The following SNX27 variants were observed in gnomAD, a reference collection of about 807,000 sequenced individuals.
SNX27 encodes sorting nexin 27, also known as sorting nexin-27.
A neutral mutation model predicts 71.6 loss-of-function variants in SNX27; 22 were observed. The ratio of observed to expected loss-of-function variants is 0.31; its 90% CI spans 0.22 to 0.44. The LOEUF (loss-of-function observed/expected upper bound fraction) is 0.44, where lower values mean the gene tolerates loss of function less well. SNX27 is among the 20% of genes least tolerant of loss of function. SNX27 has a pLI of 1.00. For missense variants in SNX27, 531 were observed against 698.6 expected (o/e 0.76, Z 2.70); for synonymous variants, 269 against 277.2 (o/e 0.97, Z 0.29).
intron 1 of SNX27, among the ~76,000 whole-genome samples, chr1:151,634,842 A>G (rs1170799674): frequency 1.3e-5 from 2 of 152,124 alleles, no homozygotes; most frequent in South Asian, 2.1e-4. Context: ...CTATAATTAC[A>G]TTTTGTTGTA....
chr1:151,682,543 G>A (rs143776648), intron 7 of SNX27, among the ~76,000 whole-genome samples: 3,066 of 152,006 alleles, frequency 0.02, 103 homozygotes, highest in African/African-American at 0.069. Flanking sequence ...GGCTGGTCTC[G>A]AACTCCTGAC....
rs754928412 is a variant in SNX27, at chr1:151,692,541, C to T, written c.1346C>T (p.Thr449Met). 36 of 1,611,878 alleles carry T rather than the reference C, an allele frequency of 2.2e-5. No homozygotes were observed. Among genetic ancestry groups the T allele is most frequent in the African/African-American group, 6.7e-5 (5 of 74,614 alleles). The change falls in exon 9 of 12, where the codon ACG becomes ATG. Residue 449 changes from threonine to methionine, a missense_variant. This residue lies in a region of SNX27 where 157 missense variants were observed against 178.4 expected (regional missense o/e 0.88). Coordinates refer to ENST00000458013, the MANE Select transcript of SNX27 (RefSeq NM_001330723.2). The stretch of plus-strand genomic sequence containing the variant: ...CACGTTATCACAGCCATCAGCATCA[C>T]GCACTTTAAACTGCATGCCTGCACT... ...KGHVITAISITHFKLHACTEE... is the reference protein window; with the variant it reads ...KGHVITAISIMHFKLHACTEE...
At chr1:151,644,754 A>T (rs565647069) in intron 2 of SNX27, among the ~76,000 whole-genome samples, 1 of 152,080 alleles carries the variant, frequency 6.6e-6, no homozygotes, top group East Asian at 1.9e-4. Flanking sequence ...TCTGTGATCC[A>T]TTTTGAGGGA....
chr1:151,658,155 TATC>T, intron 2 of SNX27, 77 bp from the exon 3 acceptor site: 1 of 1,320,624 alleles, frequency 7.6e-7, no homozygotes, highest in Admixed American at 2.3e-5. Context: ...ATCTAACCAA[TATC>T]ATCTAAGCCT....
intron 1 of SNX27, among the ~76,000 whole-genome samples, chr1:151,636,656 T>TC (rs1297929845): frequency 1.6e-5 from 2 of 125,574 alleles, no homozygotes; most frequent in Non-Finnish European, 3.3e-5. Context: ...GTCAGCTTTT[T>TC]CCACTTTTGT....
chr1:151,639,661 GA>G (rs1668638481), intron 2 of SNX27, among the ~76,000 whole-genome samples: 2 of 152,160 alleles, frequency 1.3e-5, no homozygotes, highest in South Asian at 4.1e-4. Flanking sequence ...CGAGTTTCCT[GA>G]ATGCAATTCC....
rs557917353 is a variant in SNX27, at chr1:151,612,771, G to A, written c.311+259G>A. Among the ~76,000 whole-genome samples, 18 of 152,108 alleles carry A rather than the reference G, an allele frequency of 1.2e-4. No individual in the cohort carries two copies. The highest frequency in any genetic ancestry group is 4.1e-4 in the African/African-American group (17 of 41,500). On this transcript the variant is annotated intron_variant, in intron 1 of 11. Coordinates refer to ENST00000458013, the MANE Select transcript of SNX27 (RefSeq NM_001330723.2). The surrounding 1 kb of genome is among the most constrained non-coding windows in gnomAD (Gnocchi z 5.2). The stretch of plus-strand genomic sequence containing the variant: ...TTGCGCCCCCAGTGCTCCTCCCTGT[G>A]CCCCGATTACTCTGGGCTCTTCTCC...
chr1:151,614,960 G>T (rs1296838688), intron 1 of SNX27, among the ~76,000 whole-genome samples: 9 of 152,196 alleles, frequency 5.9e-5, no homozygotes, highest in Non-Finnish European at 2.9e-5. Flanking sequence ...CTGCCCAAGA[G>T]CCTAGGTATA....
chr1:151,698,469 T>C lies in SNX27; in HGVS notation c.*4052T>C, dbSNP rs1558086711. ...ATCTGTTGACCCCAGCATACTGCTG[T>C]TTCTTCACCAGCTTCATTGTGTCAC... is the stretch of plus-strand genomic sequence containing the variant. On this transcript the variant is annotated 3_prime_UTR_variant, in exon 12 of 12. Transcript: ENST00000458013. 1 of 152,544 alleles carries C rather than the reference T, an allele frequency of 6.6e-6. No homozygotes were observed. The highest frequency in any genetic ancestry group is 1.9e-4 in the East Asian group (1 of 5,198). 9.4% of individuals were successfully genotyped at this position (152,544 alleles called of 1,614,324 possible). A position where few individuals can be genotyped will look rare whatever the true frequency, so the allele number is the denominator to read the frequency against.
chr1:151,668,312 A>G (rs1446387800), intron 6 of SNX27, among the ~76,000 whole-genome samples, 160 bp from the exon 7 acceptor site: 2 of 152,214 alleles, frequency 1.3e-5, no homozygotes, highest in Admixed American at 6.5e-5. Flanking sequence ...CTGGACAGAT[A>G]AGGCTGTTTT....
intron 1 of SNX27, among the ~76,000 whole-genome samples, chr1:151,622,852 G>A (rs1028682535): frequency 2.0e-5 from 3 of 151,998 alleles, no homozygotes. Context: ...GTAGTGGTGC[G>A]ATCACAGCTT....
chr1:151,676,270 A>ATTTT (rs752951557), intron 7 of SNX27: 2 of 56,530 alleles, frequency 3.5e-5, no homozygotes, highest in East Asian at 4.4e-4. Flanking sequence ...AGTGCTATTA[A>ATTTT]TTTTTTTTTT....
chr1:151,643,404 C>T (rs1571802752), intron 2 of SNX27, among the ~76,000 whole-genome samples: 1 of 151,840 alleles, frequency 6.6e-6, no homozygotes, highest in East Asian at 1.9e-4. Context: ...AAGCAATTCT[C>T]CTGCCTCAGC....
intron 1 of SNX27, among the ~76,000 whole-genome samples, chr1:151,629,768 G>A (rs912467071): frequency 1.3e-5 from 2 of 151,480 alleles, no homozygotes; most frequent in South Asian, 4.2e-4. Context: ...TGGTAGAGAC[G>A]GGGTTTTACC....
chr1:151,643,348 G>A (rs2102643528), intron 2 of SNX27, among the ~76,000 whole-genome samples: 1 of 152,032 alleles, frequency 6.6e-6, no homozygotes, highest in African/African-American at 2.4e-5. Context: ...AGGCTGGAAT[G>A]CAGTGGTGCG....
intron 2 of SNX27, among the ~76,000 whole-genome samples, chr1:151,656,000 G>A (rs1175977383): frequency 6.6e-6 from 1 of 152,078 alleles, no homozygotes; most frequent in Non-Finnish European, 1.5e-5. Flanking sequence ...GAGGCGGGTG[G>A]ATCACGAGCT....
At chr1:151,620,694 CTTT>C (rs35641892) in intron 1 of SNX27, among the ~76,000 whole-genome samples, 1 of 143,732 alleles carries the variant, frequency 7.0e-6, no homozygotes, top group Non-Finnish European at 1.5e-5. Context: ...TTTGAAGATG[CTTT>C]TTTTTTTTTT....
chr1:151,695,725 C>T lies in SNX27; in HGVS notation c.*1308C>T, dbSNP rs1231143736. The T allele has an allele frequency of 6.6e-6, 1 of 152,158 alleles. No homozygotes were observed. Among genetic ancestry groups the T allele is most frequent in the African/African-American group, 2.4e-5 (1 of 41,410 alleles). The allele number at this position is 152,158 out of a possible 1,614,324, so 9.4% of individuals were successfully genotyped here. The stretch of plus-strand genomic sequence containing the variant: ...CAGGCATGAGCCACTGTGTCCTTCC[C>T]TGCCTTTTTTGCAGCAGGGATAGTA... On this transcript the variant is annotated 3_prime_UTR_variant, in exon 12 of 12. Coordinates refer to ENST00000458013, the MANE Select transcript of SNX27 (RefSeq NM_001330723.2).
intron 1 of SNX27, chr1:151,613,434 C>T (rs1667284534): frequency 6.5e-6 from 1 of 152,686 alleles, no homozygotes; most frequent in South Asian, 2.1e-4. Flanking sequence ...CTACTTCAAG[C>T]CCTTTTTGGG....
Sources: gnomAD v4.1 joint callset for allele counts (sites outside exome capture counted in the v4.1 genomes callset) on GRCh38, gnomAD v4.1.1 for gene constraint, gnomAD v4.1.1 regional missense constraint, Gnocchi (gnomAD v3.1) non-coding constraint, MANE v1.5 for transcripts, NCBI Gene and HGNC (gene_info 2026-07-23, HGNC 2026-07-21) for gene names.